The following ADAMTSL1 variants were observed in gnomAD, a reference collection of about 807,000 sequenced individuals.
The protein encoded by ADAMTSL1 is ADAMTS-like protein 1.
In ADAMTSL1, 126 loss-of-function variants were observed where a neutral mutation model predicts 201.8. That is an observed-to-expected ratio of 0.62 (90% CI 0.54 to 0.72). The LOEUF is 0.72. Ranked by LOEUF, ADAMTSL1 falls within the 30% of genes least tolerant of loss-of-function variation. ADAMTSL1 has a pLI of 0.00. For synonymous variants in ADAMTSL1, 1,121 were observed against 903.4 expected, an observed-to-expected ratio of 1.24 and a Z score of -4.32; for missense variants, 2,679 against 2,277.8, an observed-to-expected ratio of 1.18 and a Z score of -3.59.
intron 26 of ADAMTSL1, 51 bp downstream of exon 26, chr9:18,892,647 C>A: frequency 6.5e-7 from 1 of 1,527,302 alleles, no homozygotes; most frequent in Non-Finnish European, 8.8e-7. Context: ...AAGGAATGGA[C>A]CCTGCCACAG....
chr9:18,736,167 G>A (rs2133515417), intron 15 of ADAMTSL1, among the ~76,000 whole-genome samples: 1 of 152,162 alleles, frequency 6.6e-6, no homozygotes, highest in Admixed American at 6.5e-5. Context: ...ATTCTAATAT[G>A]AAGTAGAGGC....
At chr9:18,130,323 T>C (rs1364261541) in intron 1 of ADAMTSL1, among the ~76,000 whole-genome samples, 1 of 152,164 alleles carries the variant, frequency 6.6e-6, no homozygotes, top group Admixed American at 6.6e-5. Context: ...GTTCTTGAAA[T>C]GGAGAAAAGC....
intron 16 of ADAMTSL1, among the ~76,000 whole-genome samples, chr9:18,754,440 G>T (rs1819629951): frequency 6.6e-6 from 1 of 152,150 alleles, no homozygotes; most frequent in South Asian, 2.1e-4. Context: ...GGACAACAAA[G>T]GCCACAAAAG....
At position 18,172,399 on chromosome 9, in the gene ADAMTSL1, A is replaced by G. The variant is rs536622447; in HGVS notation, c.207+8418A>G. ...AAAGAGGTTCTCAGCCTTACTCATCATAAGGGATTTACAAATTAAAATAAC... is the reference window on the plus strand; with the variant it reads ...AAAGAGGTTCTCAGCCTTACTCATCGTAAGGGATTTACAAATTAAAATAAC... On this transcript the variant is annotated intron_variant, in intron 2 of 29. Coordinates refer to the ADAMTSL1 transcript ENST00000680146. 3.3e-5 allele frequency among the ~76,000 whole-genome samples: 5 copies of G among 152,256 alleles called. No homozygotes were observed. In the South Asian group the frequency reaches 1.0e-3, roughly 32 times the overall value.
intron 2 of ADAMTSL1, 78 bp from the exon 3 acceptor site, chr9:18,533,169 C>G (rs1396995389): frequency 7.6e-7 from 1 of 1,312,312 alleles, no homozygotes; most frequent in Non-Finnish European, 1.1e-6. Flanking sequence ...GTATTTAGAG[C>G]AAATTTTTAT....
At chr9:17,993,371 G>A (rs540149327) in intron 1 of ADAMTSL1, among the ~76,000 whole-genome samples, 1 of 152,196 alleles carries the variant, frequency 6.6e-6, no homozygotes, top group South Asian at 2.1e-4. Flanking sequence ...GAGAATAAAT[G>A]GATACCTCTG....
chr9:17,961,844 C>T (rs1366438423), intron 1 of ADAMTSL1, among the ~76,000 whole-genome samples: 2 of 152,126 alleles, frequency 1.3e-5, no homozygotes, highest in Non-Finnish European at 2.9e-5. Context: ...GTGGTCACCA[C>T]AGCTCTAGCA....
At chr9:18,667,562 A>G (rs1295725283) in intron 9 of ADAMTSL1, among the ~76,000 whole-genome samples, 3 of 152,156 alleles carry the variant, frequency 2.0e-5, no homozygotes, top group Non-Finnish European at 4.4e-5. Context: ...GAGGATAATA[A>G]CAATACTTAC....
intron 1 of ADAMTSL1, among the ~76,000 whole-genome samples, chr9:18,029,112 A>G (rs1005219755): frequency 7.2e-5 from 11 of 152,052 alleles, no homozygotes; most frequent in African/African-American, 1.9e-4. Flanking sequence ...CATTGATTTT[A>G]TATCCTGAGA....
chr9:18,446,409 TG>T lies in ADAMTSL1; in HGVS notation c.208-58419del. 2.0e-5 allele frequency among the ~76,000 whole-genome samples: 3 copies of T among 152,382 alleles called. No homozygotes were observed. In the South Asian group the frequency reaches 6.2e-4, roughly 32 times the overall value. On this transcript the variant is annotated intron_variant, in intron 2 of 29. Coordinates refer to the ADAMTSL1 transcript ENST00000680146. ...TGTTCTGCTACTCTAAATTTGTTTTTGTTTCTTTAAAATGCAAAAATAAGCA... is the reference window on the plus strand; with the variant it reads ...TGTTCTGCTACTCTAAATTTGTTTTTTTTCTTTAAAATGCAAAAATAAGCA...
intron 2 of ADAMTSL1, among the ~76,000 whole-genome samples, chr9:18,192,181 T>C (rs1247825314): frequency 6.6e-6 from 1 of 152,192 alleles, no homozygotes. Flanking sequence ...CAATGACTTA[T>C]TATATTTCAT....
chr9:18,146,650 C>A (rs376783941), intron 1 of ADAMTSL1, among the ~76,000 whole-genome samples: 2 of 152,186 alleles, frequency 1.3e-5, no homozygotes, highest in Admixed American at 1.3e-4. Context: ...TTACACTAAG[C>A]AACACTTTTT....
At chr9:18,046,192 G>C (rs1821650098) in intron 1 of ADAMTSL1, among the ~76,000 whole-genome samples, 1 of 152,178 alleles carries the variant, frequency 6.6e-6, no homozygotes, top group Non-Finnish European at 1.5e-5. Flanking sequence ...TACTAGTTAA[G>C]ATATAGGCTT....
At chr9:18,092,628 T>C (rs1824078582) in intron 1 of ADAMTSL1, among the ~76,000 whole-genome samples, 1 of 152,192 alleles carries the variant, frequency 6.6e-6, no homozygotes, top group South Asian at 2.1e-4. Flanking sequence ...ATACTTGTGG[T>C]CCAAAAGCTC....
chr9:18,885,068 G>A (rs866248770), intron 23 of ADAMTSL1, among the ~76,000 whole-genome samples: 9 of 152,060 alleles, frequency 5.9e-5, no homozygotes, highest in Non-Finnish European at 8.8e-5. Flanking sequence ...TGTTTCAGCC[G>A]TATTTTGTCG....
intron 2 of ADAMTSL1, among the ~76,000 whole-genome samples, chr9:18,369,230 C>T (rs1044192902): frequency 6.6e-6 from 1 of 152,194 alleles, no homozygotes; most frequent in Non-Finnish European, 1.5e-5. Context: ...ACTCACAACT[C>T]GACCTCACAG....
intron 2 of ADAMTSL1, among the ~76,000 whole-genome samples, chr9:18,300,923 C>A (rs1195341608): frequency 6.6e-6 from 1 of 152,050 alleles, no homozygotes; most frequent in Non-Finnish European, 1.5e-5. Context: ...TATTGAGAGA[C>A]ATTTTACATG....
chr9:18,300,055 A>G (rs1452459410), intron 2 of ADAMTSL1, among the ~76,000 whole-genome samples: 1 of 152,192 alleles, frequency 6.6e-6, no homozygotes, highest in Non-Finnish European at 1.5e-5. Context: ...CAGTGTGGCA[A>G]TTCCTCAAGG....
chr9:18,400,373 TAA>T (rs1406602000), intron 2 of ADAMTSL1, among the ~76,000 whole-genome samples: 1 of 152,208 alleles, frequency 6.6e-6, no homozygotes, highest in East Asian at 1.9e-4. Flanking sequence ...TTGATAGTTT[TAA>T]AAGTTTCTTT....
Sources: allele counts gnomAD v4.1 joint callset (sites outside exome capture counted in the v4.1 genomes callset), GRCh38; gene constraint gnomAD v4.1.1; transcripts MANE v1.5; gene names NCBI Gene and HGNC (gene_info 2026-07-23, HGNC 2026-07-21).